The following TMEM165 variants were observed in gnomAD, a reference collection of about 807,000 sequenced individuals.
The protein encoded by TMEM165 is putative divalent cation/proton antiporter TMEM165.
In TMEM165, 19 loss-of-function variants were observed where a neutral mutation model predicts 30.0. That is an observed-to-expected ratio of 0.63 (90% CI 0.44 to 0.93). TMEM165 has a LOEUF of 0.93. Ranked by LOEUF, TMEM165 falls within the 40% of genes least tolerant of loss-of-function variation. The pLI is 0.00. For missense variants in TMEM165, 340 were observed against 417.0 expected (o/e 0.82, Z 1.61); for synonymous variants, 168 against 162.9 (o/e 1.03, Z -0.24).
chr4:55,421,166 C>CAAAAAAA (rs71194559), intron 4 of TMEM165, among the ~76,000 whole-genome samples: 2 of 83,494 alleles, frequency 2.4e-5, no homozygotes, highest in African/African-American at 4.9e-5. Context: ...GATTCCATCT[C>CAAAAAAA]AAAAAAAAAA....
chr4:55,453,273 A>G (rs1724630125), exon 4 of TMEM165: 2 of 667,100 alleles, frequency 3.0e-6, no homozygotes, highest in Non-Finnish European at 5.3e-6. Context: ...AAATATACCT[A>G]TAATGTCTTA....
intron 1 of TMEM165, among the ~76,000 whole-genome samples, chr4:55,410,866 C>T (rs549548611): frequency 1.3e-5 from 2 of 152,178 alleles, no homozygotes; most frequent in Non-Finnish European, 2.9e-5. Flanking sequence ...AGCGTGGTGG[C>T]TCACGCCTGT....
chr4:55,420,095 T>TAAAAAAAAA (rs1281040955), intron 4 of TMEM165, among the ~76,000 whole-genome samples: 2 of 31,590 alleles, frequency 6.3e-5, no homozygotes, highest in East Asian at 6.1e-3. Context: ...GACACTATCT[T>TAAAAAAAAA]AAGAAAAAAA....
At chr4:55,441,299 T>C (rs2109672401) in intron 3 of TMEM165, among the ~76,000 whole-genome samples, 1 of 152,326 alleles carries the variant, frequency 6.6e-6, no homozygotes, top group South Asian at 2.1e-4. Context: ...TGAAAACACT[T>C]ACACACTGCT....
chr4:55,435,835 T>C (rs543332775), intron 3 of TMEM165, among the ~76,000 whole-genome samples: 1 of 152,384 alleles, frequency 6.6e-6, no homozygotes, highest in South Asian at 2.1e-4. Flanking sequence ...TTTTATGGTA[T>C]AGAAAGCAAT....
chr4:55,442,992 A>G (rs1286627788), intron 3 of TMEM165, among the ~76,000 whole-genome samples: 1 of 152,160 alleles, frequency 6.6e-6, no homozygotes, highest in African/African-American at 2.4e-5. Flanking sequence ...GATCTACAGT[A>G]ATTACCAACA....
Position 55,448,883 on chromosome 4 carries a change from AAAAT to A in TMEM165, c.409-3353_409-3350del, listed in dbSNP as rs1285320925. On this transcript the variant is annotated intron_variant, in intron 3 of 3. Coordinates refer to the TMEM165 transcript ENST00000608091. The stretch of plus-strand genomic sequence containing the variant: ...GAATTTATGGACTAGAGCAAAATAA[AAAAT>A]AACACTGAAGTGATTCTCATTCCCA... 1.9e-6 allele frequency: 3 copies of A among 1,579,228 alleles called. No individual in the cohort carries two copies. The Admixed American group carries it at 5.0e-5, about 26-fold the overall frequency.
intron 3 of TMEM165, among the ~76,000 whole-genome samples, chr4:55,439,656 G>C (rs1315680801): frequency 6.6e-6 from 1 of 152,142 alleles, no homozygotes; most frequent in Non-Finnish European, 1.5e-5. Context: ...ACATAGTAGA[G>C]TAGAATATTA....
chr4:55,447,869 T>C (rs1461476118), intron 3 of TMEM165, among the ~76,000 whole-genome samples: 1 of 152,188 alleles, frequency 6.6e-6, no homozygotes, highest in Non-Finnish European at 1.5e-5. Context: ...ACAGAAAAGT[T>C]GAAGAAAAAT....
chr4:55,419,964 C>T (rs1254409084), intron 4 of TMEM165, among the ~76,000 whole-genome samples: 3 of 150,646 alleles, frequency 2.0e-5, no homozygotes, highest in Non-Finnish European at 3.0e-5. Context: ...GGCGTGGTAG[C>T]GGGTGCCTGT....
intron 1 of TMEM165, among the ~76,000 whole-genome samples, chr4:55,405,128 A>ATAAAGT (rs1298473374): frequency 2.6e-5 from 4 of 151,972 alleles, no homozygotes; most frequent in African/African-American, 9.7e-5. Flanking sequence ...TCTTTGCCTT[A>ATAAAGT]TCTGTTGGAA....
At chr4:55,402,119 C>CAAAAAAAAAAA (rs71194551) in intron 1 of TMEM165, among the ~76,000 whole-genome samples, 2 of 107,028 alleles carry the variant, frequency 1.9e-5, no homozygotes, top group African/African-American at 9.8e-5. Context: ...ACTCTGTCTC[C>CAAAAAAAAAAA]AAAAAAAAAA....
intron 4 of TMEM165, among the ~76,000 whole-genome samples, chr4:55,418,400 G>A (rs1320533391): frequency 6.6e-6 from 1 of 151,960 alleles, no homozygotes; most frequent in Non-Finnish European, 1.5e-5. Flanking sequence ...GTATGCACCT[G>A]TAGTCCCAGC....
At position 55,402,699 on chromosome 4, in the gene TMEM165, C is replaced by T. The variant is rs3986290; in HGVS notation, c.207+6303C>T. ...CCAACCTCGAGTGATCCACCTACCA[C>T]GCCTCCCAAGTTGCTAGGATTACAG... On this transcript the variant is annotated intron_variant, in intron 1 of 5. Coordinates refer to ENST00000381334, the MANE Select transcript of TMEM165 (RefSeq NM_018475.5). Among the ~76,000 whole-genome samples, 690 of 145,786 alleles carry T rather than the reference C, an allele frequency of 4.7e-3. 53 individuals carry two copies. Among genetic ancestry groups the T allele is most frequent in the African/African-American group, 0.017 (632 of 37,228 alleles).
At position 55,425,355 on chromosome 4, in the gene TMEM165, CTTTT is replaced by C. The variant is rs748593679; in HGVS notation, c.899-17_899-14del. On this transcript the variant is annotated splice_polypyrimidine_tract_variant and intron_variant, in intron 5 of 5. Coordinates refer to ENST00000381334, the MANE Select transcript of TMEM165 (RefSeq NM_018475.5). Reference sequence around the variant, plus strand: ...GGTATAGGAATTTTACTGTATTTGACTTTTTTTCTCTCTCTTCCAGTGACAATCA... The same window carrying C: ...GGTATAGGAATTTTACTGTATTTGACTTTCTCTCTCTTCCAGTGACAATCA... 3.7e-6 allele frequency: 6 copies of C among 1,605,472 alleles called. No homozygotes were observed. The highest frequency in any genetic ancestry group is 2.7e-5 in the African/African-American group (2 of 74,594).
chr4:55,407,394 C>T (rs1721313586), intron 1 of TMEM165, among the ~76,000 whole-genome samples: 1 of 152,108 alleles, frequency 6.6e-6, no homozygotes, highest in African/African-American at 2.4e-5. Context: ...TGAGTAAATA[C>T]CTACCAGGGT....
intron 1 of TMEM165, among the ~76,000 whole-genome samples, chr4:55,402,397 GTGTGTGTATATATATATATA>G (rs1424682016): frequency 9.4e-4 from 21 of 22,286 alleles, no homozygotes; most frequent in African/African-American, 8.4e-4. Flanking sequence ...GCGTGTGTGT[GTGTGTGTATATATATATATA>G]TATATATATA....
intron 1 of TMEM165, among the ~76,000 whole-genome samples, chr4:55,402,433 ATTTTTTTTTTTTTTTTT>A (rs1170738654): frequency 3.2e-5 from 1 of 30,778 alleles, no homozygotes; most frequent in Non-Finnish European, 5.3e-5. Context: ...ATATATATAT[ATTTTTTTTTTTTTTTTT>A]TTTTTTTTTT....
chr4:55,443,918 T>G (rs2109694351), intron 3 of TMEM165: 1 of 1,595,926 alleles, frequency 6.3e-7, no homozygotes, highest in East Asian at 2.2e-5. Flanking sequence ...AAGATTATGT[T>G]AAAATGAGCT....
Sources: allele counts gnomAD v4.1 joint callset (sites outside exome capture counted in the v4.1 genomes callset), GRCh38; gene constraint gnomAD v4.1.1; transcripts MANE v1.5; gene names NCBI Gene and HGNC (gene_info 2026-07-23, HGNC 2026-07-21).